The following CLIP4 variants were observed in gnomAD, a reference collection of about 807,000 sequenced individuals.
The protein encoded by CLIP4 is CAP-Gly domain-containing linker protein 4.
CLIP4 carries 47 observed loss-of-function variants against 73.1 expected under a neutral mutation model. That is an observed-to-expected ratio of 0.64 (90% confidence interval 0.51 to 0.82). CLIP4 has a LOEUF of 0.82. Ranked by LOEUF, CLIP4 falls within the 40% of genes least tolerant of loss-of-function variation. CLIP4 has a pLI of 0.00. For synonymous variants in CLIP4, 306 were observed against 295.4 expected (o/e 1.04, Z -0.37); for missense variants, 874 against 852.9 (o/e 1.02, Z -0.31).
chr2:29,133,670 C>G lies in CLIP4; in HGVS notation c.383C>G (p.Ala128Gly). Reference sequence around the variant, plus strand: ...TCTTCTTTAGGTGATGTGGAAACAGCTGTAAAATTTGCAACTCAGCTTATT... The same window carrying G: ...TCTTCTTTAGGTGATGTGGAAACAGGTGTAAAATTTGCAACTCAGCTTATT... ...GAHGIGDVET[A>G]VKFATQLIDL... Residue 128 changes from alanine (A) to glycine (G), a missense_variant, in exon 5 of 16, where the codon GCT (alanine) becomes GGT (glycine). Transcript: ENST00000320081. 4 of 1,608,666 alleles carry G rather than the reference C, an allele frequency of 2.5e-6. No individual in the cohort carries two copies. Among genetic ancestry groups the G allele is most frequent in the Non-Finnish European group, 3.4e-6 (4 of 1,178,526 alleles).
chr2:29,147,859 AATTT>A (rs1306322820), intron 8 of CLIP4, among the ~76,000 whole-genome samples: 1 of 151,892 alleles, frequency 6.6e-6, no homozygotes, highest in Admixed American at 6.6e-5. Flanking sequence ...ATCCATTTGG[AATTT>A]ATTTGGTTAG....
chr2:29,163,677 A>G (rs573294350), intron 12 of CLIP4, 154 bp from the exon 13 acceptor site: 7 of 683,632 alleles, frequency 1.0e-5, no homozygotes, highest in African/African-American at 3.7e-5. Context: ...AAAGTTTACA[A>G]TTTTATAATT....
intron 1 of CLIP4, among the ~76,000 whole-genome samples, chr2:29,105,201 C>A (rs951212983): frequency 5.9e-5 from 9 of 152,056 alleles, no homozygotes; most frequent in Non-Finnish European, 1.0e-4. Flanking sequence ...ATTTTAAATG[C>A]CGGTTGGTGT....
chr2:29,148,536 G>A (rs1251860641), intron 8 of CLIP4, among the ~76,000 whole-genome samples: 1 of 152,092 alleles, frequency 6.6e-6, no homozygotes, highest in Non-Finnish European at 1.5e-5. Flanking sequence ...CAGATTGTAC[G>A]GCAAGGCTTA....
intron 1 of CLIP4, among the ~76,000 whole-genome samples, chr2:29,109,064 T>A (rs891814154): frequency 6.6e-6 from 1 of 152,238 alleles, no homozygotes; most frequent in African/African-American, 2.4e-5. Flanking sequence ...TGGTGTTTTT[T>A]AAAAAATGAT....
In CLIP4 at chr2:29,157,235, C is replaced by G. The variant is rs1666984007; in HGVS notation, c.1287C>G (p.Ser429=). The part of the protein sequence containing the change: ...VALLGSVSSC[S]STSSLEHRQS... ...TGCTTGGATCTGTCAGCAGCTGCTC[C>G]TCTACATCTTCTTTGGAACACAGAC... The change falls in exon 11 of 16, where the codon TCC becomes TCG. Residue 429 remains serine (S), a synonymous_variant. Coordinates refer to ENST00000320081, the MANE Select transcript of CLIP4 (RefSeq NM_024692.6). 1 of 1,614,056 alleles carries G rather than the reference C, an allele frequency of 6.2e-7. No homozygotes were observed. Among genetic ancestry groups the G allele is most frequent in the East Asian group, 2.2e-5 (1 of 44,870 alleles).
chr2:29,175,999 G>C (rs764066672), intron 15 of CLIP4, among the ~76,000 whole-genome samples: 7 of 152,192 alleles, frequency 4.6e-5, no homozygotes. Context: ...CTGACATCAT[G>C]ATCTGCCCAC....
rs1572907556 is a variant in CLIP4, at chr2:29,131,930, A to C, written c.274-222A>C. The stretch of plus-strand genomic sequence containing the variant: ...TGGAGTGCCAGATTACCTTTGGAAT[A>C]ATCTTTAAGAATTTCCTTCAGCCTG... On this transcript the variant is annotated intron_variant, in intron 3 of 15. Transcript: ENST00000320081. The C allele has an allele frequency of 2.3e-5, 11 of 479,820 alleles. No homozygotes were observed. In the East Asian group the frequency reaches 2.7e-4, roughly 12 times the overall value. The allele number at this position is 479,820 out of a possible 1,614,324, so 29.7% of individuals were successfully genotyped here. A position where few individuals can be genotyped will look rare whatever the true frequency, so the allele number is the denominator to read the frequency against.
At chr2:29,154,538 A>G (rs1056011229) in intron 9 of CLIP4, among the ~76,000 whole-genome samples, 1 of 152,198 alleles carries the variant, frequency 6.6e-6, no homozygotes, top group Non-Finnish European at 1.5e-5. Flanking sequence ...CAGAGGCACA[A>G]TCAGTCTCAG....
chr2:29,099,192 G>A (rs1572844146), intron 1 of CLIP4, among the ~76,000 whole-genome samples: 1 of 151,586 alleles, frequency 6.6e-6, no homozygotes. Flanking sequence ...GAACAGAATT[G>A]AAAAAATATA....
intron 2 of CLIP4, among the ~76,000 whole-genome samples, chr2:29,128,376 C>T (rs144810252): frequency 1.0e-3 from 157 of 151,220 alleles, no homozygotes; most frequent in African/African-American, 3.6e-3. Flanking sequence ...TTTAGTTATC[C>T]ATTTAACCAA....
intron 12 of CLIP4, among the ~76,000 whole-genome samples, chr2:29,162,811 T>G (rs993604184): frequency 6.6e-6 from 1 of 152,194 alleles, no homozygotes; most frequent in Admixed American, 6.5e-5. Context: ...GGTATCATCT[T>G]TTTATACATA....
intron 15 of CLIP4, among the ~76,000 whole-genome samples, chr2:29,178,661 A>G (rs1668481119): frequency 6.6e-6 from 1 of 152,204 alleles, no homozygotes; most frequent in African/African-American, 2.4e-5. Flanking sequence ...ACAATAATAA[A>G]TGAAAAAAAT....
intron 14 of CLIP4, among the ~76,000 whole-genome samples, chr2:29,172,788 A>G (rs895010327): frequency 1.3e-5 from 2 of 152,018 alleles, no homozygotes; most frequent in African/African-American, 4.8e-5. Context: ...ATATCTTTAG[A>G]CCCATCATTC....
rs1668720906 is a variant in CLIP4 at position 29,183,111 on chromosome 2, T to C, written c.*1218T>C. 6.6e-6 allele frequency: 1 copy of C among 152,580 alleles called. No individual in the cohort carries two copies. The highest frequency in any genetic ancestry group is 2.1e-4 in the South Asian group (1 of 4,836). 9.5% of individuals were successfully genotyped at this position (152,580 alleles called of 1,614,324 possible). On this transcript the variant is annotated 3_prime_UTR_variant, in exon 16 of 16. Coordinates refer to ENST00000320081, the MANE Select transcript of CLIP4 (RefSeq NM_024692.6). ...GCTTCACATTAGAGTGATGTCATAA[T>C]GTAAAATGTTTGCATTGTGGTTAGG...
chr2:29,161,984 GTT>G (rs1667323717), intron 12 of CLIP4, among the ~76,000 whole-genome samples: 3 of 152,224 alleles, frequency 2.0e-5, no homozygotes, highest in African/African-American at 7.2e-5. Context: ...TGAGTTAGGT[GTT>G]TTATAATTCA....
intron 2 of CLIP4, among the ~76,000 whole-genome samples, chr2:29,122,240 C>CTTTTTTTTTTTTTTTTTTTTTTT (rs11359647): frequency 7.4e-6 from 1 of 135,274 alleles, no homozygotes; most frequent in African/African-American, 2.7e-5. Context: ...CTCCAAGTTT[C>CTTTTTTTTTTTTTTTTTTTTTTT]TTTTTTTTTT....
At chr2:29,168,724 G>T (rs1179662251) in intron 14 of CLIP4, among the ~76,000 whole-genome samples, 1 of 151,204 alleles carries the variant, frequency 6.6e-6, no homozygotes, top group Non-Finnish European at 1.5e-5. Flanking sequence ...GGGTTTCATC[G>T]TGTTAGCCAG....
In CLIP4 at chr2:29,143,986, T is replaced by G. The variant is rs750023398; in HGVS notation, c.885+41T>G. ...GCAATCTCTGAAGCCAGGGTTGTTA[T>G]GTCCATGACCTATGTTCAAGGACAC... On this transcript the variant is annotated intron_variant, in intron 7 of 15. Coordinates refer to ENST00000320081, the MANE Select transcript of CLIP4 (RefSeq NM_024692.6). 1.2e-5 allele frequency: 18 copies of G among 1,541,358 alleles called. No homozygotes were observed. The African/African-American group carries it at 2.1e-4, about 18-fold the overall frequency.
Sources: allele counts gnomAD v4.1 joint callset (sites outside exome capture counted in the v4.1 genomes callset), GRCh38; gene constraint gnomAD v4.1.1; transcripts MANE v1.5; gene names NCBI Gene and HGNC (gene_info 2026-07-23, HGNC 2026-07-21).